The following ARHGEF4 variants were observed in gnomAD, a reference collection of about 807,000 sequenced individuals.
The protein encoded by ARHGEF4 is Rho guanine nucleotide exchange factor 4.
ARHGEF4 carries 119 observed loss-of-function variants against 162.0 expected under a neutral mutation model. That is an observed-to-expected ratio of 0.73 (90% CI 0.63 to 0.86). The LOEUF is 0.86. Among genes scored for constraint, ARHGEF4 ranks in the 40% least tolerant of loss-of-function variants. The probability of loss-of-function intolerance (pLI) is 0.00; values close to 1 mark genes in which losing one functional copy is unlikely to be tolerated. For missense variants in ARHGEF4, 2,488 were observed against 2,456.0 expected (o/e 1.01, Z -0.28); for synonymous variants, 1,014 against 979.9 (o/e 1.03, Z -0.65).
chr2:131,022,657 CAAAA>C lies in ARHGEF4; in HGVS notation c.3986-5277_3986-5274del, dbSNP rs61532647. 2.2e-4 allele frequency among the ~76,000 whole-genome samples: 32 copies of C among 143,440 alleles called. No homozygotes were observed. In the Middle Eastern group the frequency reaches 0.011, roughly 48 times the overall value. 94.1% of individuals were successfully genotyped at this position (143,440 alleles called of 152,430 possible). ...CTTGACTTAAGCTTCACACATTATACAAAAAAAAAAAAAACAAAAACCCCACACA... is the reference window on the plus strand; with the variant it reads ...CTTGACTTAAGCTTCACACATTATACAAAAAAAAAACAAAAACCCCACACA... On this transcript the variant is annotated intron_variant, in intron 4 of 13. Coordinates refer to ENST00000409359, the MANE Select transcript of ARHGEF4 (RefSeq NM_001367493.1).
intron 1 of ARHGEF4, among the ~76,000 whole-genome samples, chr2:130,846,408 C>T (rs190271644): frequency 5.3e-5 from 8 of 152,288 alleles, no homozygotes; most frequent in Non-Finnish European, 8.8e-5. Flanking sequence ...GCTGGCCCTA[C>T]GCCAGCCTCC....
In ARHGEF4 at chr2:130,977,082, GGTGTGTGTGGTGTGTTA is replaced by G. The variant is rs1378920930; in HGVS notation, c.3985+30461_3985+30477del. On this transcript the variant is annotated intron_variant, in intron 4 of 13. Coordinates refer to ENST00000409359, the MANE Select transcript of ARHGEF4 (RefSeq NM_001367493.1). Reference sequence around the variant, plus strand: ...GTGTTTTGTATGTGTGTTACTGTGTGGTGTGTGTGGTGTGTTAGTGTGTGTGGTGTATGTGATGTGTT... The same window carrying G: ...GTGTTTTGTATGTGTGTTACTGTGTGGTGTGTGTGGTGTATGTGATGTGTT... Among the ~76,000 whole-genome samples, 6 of 146,278 alleles carry G rather than the reference GGTGTGTGTGGTGTGTTA, an allele frequency of 4.1e-5. No homozygotes were observed. In the East Asian group the frequency reaches 5.8e-4, roughly 14 times the overall value.
Position 130,899,241 on chromosome 2 carries a change from G to A in ARHGEF4, c.40-14745G>A, listed in dbSNP as rs558602196. ...TAACATATTCATGGGCATGATACCAGGAGGGTGAAGGTTATGGAGGCCAAA... is the reference window on the plus strand; with the variant it reads ...TAACATATTCATGGGCATGATACCAAGAGGGTGAAGGTTATGGAGGCCAAA... On this transcript the variant is annotated intron_variant, in intron 1 of 13. Coordinates refer to ENST00000409359, the MANE Select transcript of ARHGEF4 (RefSeq NM_001367493.1). Among the ~76,000 whole-genome samples, 38 of 152,326 alleles carry A rather than the reference G, an allele frequency of 2.5e-4. 1 individual carries two copies. The South Asian group carries it at 7.1e-3, about 28-fold the overall frequency.
chr2:131,035,411 G>T, intron 5 of ARHGEF4: 1 of 754,526 alleles, frequency 1.3e-6, no homozygotes, highest in Non-Finnish European at 1.7e-6. Flanking sequence ...GGGTGTCGCC[G>T]AGCGGGTGCC....
chr2:131,041,154 G>A, intron 8 of ARHGEF4, 76 bp from the exon 9 acceptor site: 2 of 1,402,014 alleles, frequency 1.4e-6, no homozygotes, highest in Non-Finnish European at 2.0e-6. Context: ...AGAGGCTCTT[G>A]CCCTTCCCAC....
chr2:130,925,249 A>G (rs529634484), intron 2 of ARHGEF4, among the ~76,000 whole-genome samples: 64 of 152,316 alleles, frequency 4.2e-4, no homozygotes, highest in African/African-American at 1.3e-3. Flanking sequence ...CTTATTACAT[A>G]AAGTAATCAA....
At chr2:130,920,591 A>G (rs780812886) in intron 2 of ARHGEF4, among the ~76,000 whole-genome samples, 2 of 151,404 alleles carry the variant, frequency 1.3e-5, no homozygotes, top group Non-Finnish European at 2.9e-5. Flanking sequence ...GGAATGTGAA[A>G]CTCCCCTTGG....
At position 130,931,055 on chromosome 2, in the gene ARHGEF4, A is replaced by T. The variant is rs1237217573; in HGVS notation, c.3656A>T (p.Asp1219Val). 1 of 1,614,056 alleles carries T rather than the reference A, an allele frequency of 6.2e-7. No homozygotes were observed. Among genetic ancestry groups the T allele is most frequent in the Admixed American group, 1.7e-5 (1 of 60,004 alleles). ...GCCCAGAAGCCCTGCTTCACCACTG[A>T]CATGGTGACATGGGCCCTCCTCTGC... ...EPAQKPCFTT[D>V]MVTWALLCIS... The change falls in exon 3 of 14, where the codon GAC (aspartate) becomes GTC (valine). Residue 1219 changes from aspartate (D) to valine (V), a missense_variant. Physicochemically the swap from Asp to Val is radical, Grantham distance 152. Transcript: ENST00000409359.
intron 1 of ARHGEF4, among the ~76,000 whole-genome samples, chr2:130,889,778 C>T (rs77078827): frequency 0.017 from 2,431 of 139,994 alleles, 62 homozygotes; most frequent in African/African-American, 0.061. Flanking sequence ...AGCCACTGCA[C>T]GCCAGCCCAG....
At chr2:130,898,683 TGAG>T (rs991813815) in intron 1 of ARHGEF4, among the ~76,000 whole-genome samples, 1 of 152,050 alleles carries the variant, frequency 6.6e-6, no homozygotes, top group African/African-American at 2.4e-5. Context: ...GATGCACCTG[TGAG>T]GAGAAGGCAG....
At chr2:130,983,289 C>T (rs560503911) in intron 4 of ARHGEF4, among the ~76,000 whole-genome samples, 33 of 152,230 alleles carry the variant, frequency 2.2e-4, no homozygotes, top group African/African-American at 7.7e-4. Context: ...AAATAAGAAC[C>T]TTAAAGTTAA....
intron 5 of ARHGEF4, among the ~76,000 whole-genome samples, chr2:131,036,253 C>T (rs1299672009): frequency 2.6e-5 from 4 of 152,246 alleles, no homozygotes; most frequent in Admixed American, 2.0e-4. Context: ...CCTCACAGAG[C>T]CACATTTTGT....
At chr2:130,926,810 ATT>A (rs55904944) in intron 2 of ARHGEF4, among the ~76,000 whole-genome samples, 13 of 48,948 alleles carry the variant, frequency 2.7e-4, no homozygotes, top group African/African-American at 7.6e-4. Flanking sequence ...CTTCTGGCTG[ATT>A]TTTTTTTTTT....
intron 4 of ARHGEF4, among the ~76,000 whole-genome samples, chr2:130,972,890 C>T (rs1248160885): frequency 6.6e-6 from 1 of 152,154 alleles, no homozygotes. Flanking sequence ...AGCTTACTTT[C>T]AAAGAAGATA....
chr2:130,954,673 G>A (rs1392519012), intron 4 of ARHGEF4, among the ~76,000 whole-genome samples: 1 of 152,204 alleles, frequency 6.6e-6, no homozygotes, highest in East Asian at 1.9e-4. Context: ...AAGGCTTGAT[G>A]AGTTATATGT....
chr2:131,007,800 C>CT lies in ARHGEF4; in HGVS notation c.3986-20117dup, dbSNP rs70994731. On this transcript the variant is annotated intron_variant, in intron 4 of 13. Coordinates refer to ENST00000409359, the MANE Select transcript of ARHGEF4 (RefSeq NM_001367493.1). ...TAAAGCTAAATTATTCTTTTCTTTTCTTTTTTTTTTTTTTTTTTTTTTTTT... is the reference window on the plus strand; with the variant it reads ...TAAAGCTAAATTATTCTTTTCTTTTCTTTTTTTTTTTTTTTTTTTTTTTTTT... 8.9e-3 allele frequency among the ~76,000 whole-genome samples: 495 copies of CT among 55,900 alleles called. 65 individuals are homozygous for CT. The highest frequency in any genetic ancestry group is 0.011 in the Non-Finnish European group (343 of 31,176). 36.7% of individuals were successfully genotyped at this position (55,900 alleles called of 152,430 possible). A position where few individuals can be genotyped will look rare whatever the true frequency, so the allele number is the denominator to read the frequency against.
chr2:130,958,588 T>C lies in ARHGEF4; in HGVS notation c.3985+11953T>C, dbSNP rs937986570. 7.8e-4 allele frequency among the ~76,000 whole-genome samples: 119 copies of C among 152,168 alleles called. 1 individual carries two copies. Among genetic ancestry groups the C allele is most frequent in the Non-Finnish European group, 6.9e-4 (47 of 68,004 alleles). On this transcript the variant is annotated intron_variant, in intron 4 of 13. Coordinates refer to ENST00000409359, the MANE Select transcript of ARHGEF4 (RefSeq NM_001367493.1). ...CCATGCCTGGCTAATTTTTGTACTT[T>C]TAGTAGAGACGGGGTTTCACCATGT... is the stretch of plus-strand genomic sequence containing the variant.
intron 4 of ARHGEF4, among the ~76,000 whole-genome samples, chr2:130,979,468 G>C (rs1322909695): frequency 6.6e-6 from 1 of 152,158 alleles, no homozygotes; most frequent in Non-Finnish European, 1.5e-5. Flanking sequence ...AGGCGTGATG[G>C]CTCATGCCTG....
chr2:131,046,609 A>G lies in ARHGEF4; in HGVS notation c.*420A>G, dbSNP rs146603203. On this transcript the variant is annotated 3_prime_UTR_variant, in exon 14 of 14. Transcript: ENST00000409359. ...ACTCTCTGGCCTTCTGTGGCCTGCA[A>G]TGCCAGGCCATGTGCCCCTCTGCCC... is the stretch of plus-strand genomic sequence containing the variant. 2,675 of 156,896 alleles carry G rather than the reference A, an allele frequency of 0.017. 89 individuals carry two copies. Among genetic ancestry groups the G allele is most frequent in the African/African-American group, 0.06 (2,510 of 41,742 alleles). The allele number at this position is 156,896 out of a possible 1,614,324, so 9.7% of individuals were successfully genotyped here.
Sources: gnomAD v4.1 joint callset for allele counts (sites outside exome capture counted in the v4.1 genomes callset) on GRCh38, gnomAD v4.1.1 for gene constraint, MANE v1.5 for transcripts, NCBI Gene and HGNC (gene_info 2026-07-23, HGNC 2026-07-21) for gene names.